Variants in LUZP1 observed in about 807,000 individuals in gnomAD.
The protein encoded by LUZP1 is leucine zipper protein 1.
A neutral mutation model predicts 71.3 loss-of-function variants in LUZP1; 25 were observed. The observed-to-expected ratio is 0.35, with a 90% CI of 0.26 to 0.49. LUZP1 has a LOEUF of 0.49. Ranked by LOEUF, LUZP1 falls within the 20% of genes least tolerant of loss-of-function variation. LUZP1 has a pLI of 0.99. For missense variants in LUZP1, 1,142 were observed against 1,300.8 expected (o/e 0.88, Z 1.88); for synonymous variants, 481 against 506.4 (o/e 0.95, Z 0.67).
intron 2 of LUZP1, among the ~76,000 whole-genome samples, chr1:23,138,663 T>TTGTGTG (rs550739499): frequency 0.04 from 5,015 of 125,548 alleles, 154 homozygotes; most frequent in Middle Eastern, 0.069. Flanking sequence ...GATTATGTGT[T>TTGTGTG]TGTGTGTGTG....
intron 2 of LUZP1, among the ~76,000 whole-genome samples, chr1:23,149,886 C>T (rs899778248): frequency 1.8e-4 from 26 of 144,174 alleles, no homozygotes; most frequent in African/African-American, 5.7e-4. Flanking sequence ...TGCTTGAACC[C>T]GGGAAGCGGA....
chr1:23,091,016 T>G (rs1643843525), intron 4 of LUZP1, 174 bp downstream of exon 3: 1 of 766,384 alleles, frequency 1.3e-6, no homozygotes, highest in Non-Finnish European at 2.3e-6. Context: ...GCCAAAAACC[T>G]TCTTTAGGAG....
chr1:23,129,969 T>C (rs1357225553), intron 2 of LUZP1, among the ~76,000 whole-genome samples: 1 of 152,202 alleles, frequency 6.6e-6, no homozygotes, highest in African/African-American at 2.4e-5. Context: ...ATAAGTAAGA[T>C]GTATAAAGGG....
chr1:23,121,098 G>A (rs1371342374), intron 2 of LUZP1, among the ~76,000 whole-genome samples: 3 of 152,126 alleles, frequency 2.0e-5, no homozygotes, highest in Non-Finnish European at 2.9e-5. Flanking sequence ...TTTATAAGCT[G>A]CTGGCTTATA....
At chr1:23,104,141 C>A (rs1167706991) in intron 3 of LUZP1, among the ~76,000 whole-genome samples, 1 of 151,700 alleles carries the variant, frequency 6.6e-6, no homozygotes, top group Non-Finnish European at 1.5e-5. Context: ...CAAGCCCCCA[C>A]AACCCACAGC....
chr1:23,156,109 G>T (rs375360140), intron 2 of LUZP1, among the ~76,000 whole-genome samples: 3 of 152,142 alleles, frequency 2.0e-5, no homozygotes, highest in African/African-American at 7.2e-5. Flanking sequence ...GGCCAGGCAC[G>T]GTAGCTCACA....
At chr1:23,101,904 A>G (rs1011248569) in intron 3 of LUZP1, among the ~76,000 whole-genome samples, 3 of 152,230 alleles carry the variant, frequency 2.0e-5, no homozygotes, top group African/African-American at 7.2e-5. Context: ...CAAGATAAGT[A>G]GAAAATCTTA....
chr1:23,136,408 T>C (rs1349377744), intron 2 of LUZP1, among the ~76,000 whole-genome samples: 1 of 151,768 alleles, frequency 6.6e-6, no homozygotes, highest in Non-Finnish European at 1.5e-5. Flanking sequence ...CAGCATTACA[T>C]AGGTCCTGTA....
In LUZP1 at chr1:23,108,369, G is replaced by A. The variant is rs373646004; in HGVS notation, c.-120+653C>T. ...CATGCCTGTAATCCCAGCACTTTGG[G>A]AGACTAAGGCAGGAGGACTGCTTTA... On this transcript the variant is annotated intron_variant, in intron 3 of 4. Transcript: ENST00000302291. 1.2e-4 allele frequency among the ~76,000 whole-genome samples: 18 copies of A among 152,286 alleles called. 2 individuals are homozygous for A. In the South Asian group the frequency reaches 3.7e-3, roughly 32 times the overall value.
At chr1:23,091,681 T>C (rs2124589202) in exon 4 of LUZP1, 1 of 1,614,100 alleles carries the variant, frequency 6.2e-7, no homozygotes, top group East Asian at 2.2e-5. Flanking sequence ...CCATCTGCCA[T>C]TCTCTCCGCT....
chr1:23,087,906 G>A (rs918335495), exon 5 of LUZP1: 3 of 152,656 alleles, frequency 2.0e-5, no homozygotes, highest in African/African-American at 7.2e-5. Flanking sequence ...ATGGGGGATG[G>A]AGAAGGAGGA....
intron 3 of LUZP1, among the ~76,000 whole-genome samples, chr1:23,099,701 C>G (rs977442554): frequency 6.6e-6 from 1 of 152,160 alleles, no homozygotes; most frequent in African/African-American, 2.4e-5. Context: ...TATCAAGACT[C>G]TGGATGATAT....
At chr1:23,162,009 G>C (rs1644470335) in intron 2 of LUZP1, among the ~76,000 whole-genome samples, 1 of 101,120 alleles carries the variant, frequency 9.9e-6, no homozygotes, top group Non-Finnish European at 1.7e-5. Context: ...CTGGGCGACA[G>C]AACGAGACTG....
rs1036582048 is a variant in LUZP1, at chr1:23,173,417, T to C, written c.-485+4074A>G. ...TCACCCAGGCTAAAGTGCAGTGGCATGATCTTGGGTCACTACAACTCCTCT... is the reference window on the plus strand; with the variant it reads ...TCACCCAGGCTAAAGTGCAGTGGCACGATCTTGGGTCACTACAACTCCTCT... On this transcript the variant is annotated intron_variant, in intron 1 of 4. Transcript: ENST00000302291. Among the ~76,000 whole-genome samples the C allele has an allele frequency of 2.8e-4, 40 of 145,196 alleles. 1 individual carries two copies. Among genetic ancestry groups the C allele is most frequent in the South Asian group, 4.5e-4 (2 of 4,466 alleles).
intron 2 of LUZP1, among the ~76,000 whole-genome samples, chr1:23,157,003 A>C (rs116672550): frequency 2.4e-3 from 369 of 152,386 alleles, no homozygotes; most frequent in Non-Finnish European, 3.2e-3. Flanking sequence ...AATATACCAA[A>C]TATTTCAGAA....
intron 2 of LUZP1, among the ~76,000 whole-genome samples, chr1:23,134,161 A>G (rs1557668044): frequency 6.6e-6 from 1 of 152,148 alleles, no homozygotes; most frequent in African/African-American, 2.4e-5. Context: ...TTACAGAAAA[A>G]GTCTGCTGAC....
In LUZP1 at chr1:23,139,011, AAAAAAAAAATATATAT is replaced by A. The variant is rs1275821430; in HGVS notation, c.-226+29739_-226+29754del. ...AGACTCCATCTCAAAAAAAAAAAAA[AAAAAAAAAATATATAT>A]ATATATATATATATATATACACACA... On this transcript the variant is annotated intron_variant, in intron 2 of 4. Coordinates refer to ENST00000302291, the Ensembl canonical transcript of LUZP1. Among the ~76,000 whole-genome samples the A allele has an allele frequency of 8.0e-5, 8 of 99,732 alleles. No homozygotes were observed. The East Asian group carries it at 1.7e-3, about 21-fold the overall frequency. The allele number at this position is 99,732 out of a possible 152,430, so 65.4% of individuals were successfully genotyped here.
chr1:23,113,828 C>T (rs920593730), intron 2 of LUZP1, among the ~76,000 whole-genome samples: 2 of 150,784 alleles, frequency 1.3e-5, no homozygotes, highest in East Asian at 1.9e-4. Flanking sequence ...TGCAGTGAGC[C>T]GAGATTCAGC....
At chr1:23,121,707 C>T (rs993807152) in intron 2 of LUZP1, among the ~76,000 whole-genome samples, 1 of 151,874 alleles carries the variant, frequency 6.6e-6, no homozygotes, top group Non-Finnish European at 1.5e-5. Flanking sequence ...AGAGCAAGAC[C>T]CTGCCTCAAA....
Sources: allele counts gnomAD v4.1 joint callset (sites outside exome capture counted in the v4.1 genomes callset), GRCh38; gene constraint gnomAD v4.1.1; transcripts MANE v1.5; gene names NCBI Gene and HGNC (gene_info 2026-07-23, HGNC 2026-07-21).